The following ROBO1 variants were observed in gnomAD, a reference collection of about 807,000 sequenced individuals.
ROBO1 encodes roundabout guidance receptor 1, also known as roundabout homolog 1.
ROBO1 carries 149 observed loss-of-function variants against 195.9 expected under a neutral mutation model. The ratio of observed to expected loss-of-function variants is 0.76; its 90% CI spans 0.67 to 0.87. ROBO1 has a LOEUF of 0.87. ROBO1 is among the 40% of genes least tolerant of loss of function. ROBO1 has a pLI of 0.00. For synonymous variants in ROBO1, 816 were observed against 733.2 expected, an observed-to-expected ratio of 1.11 and a Z score of -1.82; for missense variants, 1,933 against 2,068.3, an observed-to-expected ratio of 0.93 and a Z score of 1.27.
chr3:79,611,209 T>A (rs1228409929), intron 1 of ROBO1, among the ~76,000 whole-genome samples: 3 of 152,088 alleles, frequency 2.0e-5, no homozygotes, highest in Non-Finnish European at 2.9e-5. Context: ...TAGAAAAAAA[T>A]TCCACGGTTC....
intron 2 of ROBO1, among the ~76,000 whole-genome samples, chr3:79,564,697 T>C (rs1943037347): frequency 6.6e-6 from 1 of 152,094 alleles, no homozygotes; most frequent in Non-Finnish European, 1.5e-5. Flanking sequence ...AAGCCAAGTG[T>C]GCTGTTTTGT....
intron 2 of ROBO1, among the ~76,000 whole-genome samples, chr3:79,296,250 G>A (rs186032966): frequency 6.6e-6 from 1 of 152,114 alleles, no homozygotes; most frequent in African/African-American, 2.4e-5. Flanking sequence ...ATTACCTTAA[G>A]AGTTAAAATG....
Position 79,757,824 on chromosome 3 carries a change from C to T in ROBO1, c.-51+9928G>A, listed in dbSNP as rs927123756. 2.2e-5 allele frequency among the ~76,000 whole-genome samples: 3 copies of T among 136,364 alleles called. No homozygotes were observed. In the South Asian group the frequency reaches 6.8e-4, roughly 31 times the overall value. 89.5% of individuals were successfully genotyped at this position (136,364 alleles called of 152,430 possible). A position where few individuals can be genotyped will look rare whatever the true frequency, so the allele number is the denominator to read the frequency against. ...AAGGAATTATGACCACTGGCTCAAT[C>T]GCATTTTTTATAGCCCAGTGTCTTA... On this transcript the variant is annotated intron_variant, in intron 1 of 30. Coordinates refer to ENST00000464233, the MANE Select transcript of ROBO1 (RefSeq NM_002941.4).
intron 4 of ROBO1, among the ~76,000 whole-genome samples, chr3:78,805,623 T>C (rs2084513329): frequency 6.6e-6 from 1 of 151,992 alleles, no homozygotes; most frequent in Non-Finnish European, 1.5e-5. Flanking sequence ...GAGTTACTGA[T>C]TAAGTCTATT....
chr3:78,746,123 A>G (rs1251186246), intron 5 of ROBO1, among the ~76,000 whole-genome samples: 1 of 152,208 alleles, frequency 6.6e-6, no homozygotes, highest in Non-Finnish European at 1.5e-5. Flanking sequence ...GAAGTCATAT[A>G]GAATCACGGC....
chr3:78,722,304 T>A (rs2082062729), intron 5 of ROBO1, among the ~76,000 whole-genome samples: 1 of 152,166 alleles, frequency 6.6e-6, no homozygotes, highest in Non-Finnish European at 1.5e-5. Flanking sequence ...AAATACTTTC[T>A]CTATCCTTTG....
At chr3:78,928,621 C>T (rs2039341162) in intron 4 of ROBO1, among the ~76,000 whole-genome samples, 2 of 152,156 alleles carry the variant, frequency 1.3e-5, no homozygotes, top group Admixed American at 1.3e-4. Context: ...TATTGTTCCT[C>T]TTTCATCAGT....
At chr3:79,491,509 C>T (rs1484849977) in intron 2 of ROBO1, among the ~76,000 whole-genome samples, 1 of 152,116 alleles carries the variant, frequency 6.6e-6, no homozygotes, top group East Asian at 1.9e-4. Flanking sequence ...TCACTGTTGT[C>T]AGGAACAGAT....
chr3:79,195,752 G>A (rs185029694), intron 2 of ROBO1, among the ~76,000 whole-genome samples: 1 of 150,788 alleles, frequency 6.6e-6, no homozygotes, highest in Admixed American at 6.7e-5. Flanking sequence ...TTACTTCTTT[G>A]TTTTTTTCAG....
intron 2 of ROBO1, among the ~76,000 whole-genome samples, chr3:79,139,289 T>C (rs1367803659): frequency 6.6e-6 from 1 of 152,134 alleles, no homozygotes; most frequent in Non-Finnish European, 1.5e-5. Flanking sequence ...TATTAATTCA[T>C]TTCAATTCAA....
chr3:79,252,144 T>C (rs917056388), intron 2 of ROBO1, among the ~76,000 whole-genome samples: 1 of 152,170 alleles, frequency 6.6e-6, no homozygotes, highest in Non-Finnish European at 1.5e-5. Context: ...TTAACACGTA[T>C]TTTATTATTT....
At chr3:79,717,619 A>T (rs1183883259) in intron 1 of ROBO1, among the ~76,000 whole-genome samples, 1 of 152,010 alleles carries the variant, frequency 6.6e-6, no homozygotes, top group Non-Finnish European at 1.5e-5. Flanking sequence ...TACTTAATTC[A>T]ATGGTTACAT....
chr3:78,758,119 A>G (rs1274830763), intron 4 of ROBO1, among the ~76,000 whole-genome samples: 1 of 152,238 alleles, frequency 6.6e-6, no homozygotes, highest in African/African-American at 2.4e-5. Context: ...GAATCACGCT[A>G]ACAACTCTGA....
intron 21 of ROBO1, among the ~76,000 whole-genome samples, chr3:78,645,656 C>T (rs1706234589): frequency 6.6e-6 from 1 of 151,982 alleles, no homozygotes; most frequent in Admixed American, 6.6e-5. Flanking sequence ...TCTTTGTTAA[C>T]AAGTTACCCA....
intron 26 of ROBO1, among the ~76,000 whole-genome samples, chr3:78,625,803 A>T (rs1311501278): frequency 6.6e-6 from 1 of 152,278 alleles, no homozygotes; most frequent in African/African-American, 2.4e-5. Context: ...GCAAAACGTT[A>T]TAAGCCAGAA....
At chr3:79,328,360 C>T (rs1435783839) in intron 2 of ROBO1, among the ~76,000 whole-genome samples, 3 of 152,066 alleles carry the variant, frequency 2.0e-5, no homozygotes, top group Admixed American at 2.0e-4. Context: ...AGAACATTCG[C>T]TAAATATCAA....
At chr3:79,204,876 T>G (rs2081836979) in intron 2 of ROBO1, among the ~76,000 whole-genome samples, 1 of 152,162 alleles carries the variant, frequency 6.6e-6, no homozygotes, top group Non-Finnish European at 1.5e-5. Context: ...CATACTTTTC[T>G]TGCGGTTACG....
chr3:79,265,483 T>A (rs2083023145), intron 2 of ROBO1, among the ~76,000 whole-genome samples: 1 of 151,590 alleles, frequency 6.6e-6, no homozygotes, highest in Non-Finnish European at 1.5e-5. Context: ...TAATGGAGTT[T>A]AATATCTAGA....
chr3:79,236,896 A>C (rs2082415784), intron 2 of ROBO1, among the ~76,000 whole-genome samples: 1 of 152,204 alleles, frequency 6.6e-6, no homozygotes, highest in Admixed American at 6.5e-5. Context: ...CAGTAGGAGT[A>C]AAAGTAGGAA....
Sources: allele counts gnomAD v4.1 joint callset (sites outside exome capture counted in the v4.1 genomes callset), GRCh38; gene constraint gnomAD v4.1.1; transcripts MANE v1.5; gene names NCBI Gene and HGNC (gene_info 2026-07-23, HGNC 2026-07-21).